The following TMEM179 variants were observed in gnomAD, a reference collection of about 807,000 sequenced individuals.
TMEM179 encodes transmembrane protein 179, also known as transmembrane protein 179A.
In TMEM179, 17 loss-of-function variants were observed where a neutral mutation model predicts 22.2. That is an observed-to-expected ratio of 0.77 (90% CI 0.52 to 1.15). The LOEUF is 1.15. Ranked by LOEUF, TMEM179 falls within the 50% of genes most tolerant of loss-of-function variation. The pLI is 0.00. For synonymous variants in TMEM179, 127 were observed against 140.5 expected (o/e 0.90, Z 0.68); for missense variants, 265 against 313.6 (o/e 0.84, Z 1.17).
At chr14:104,601,942 A>G (rs1408699548) in intron 1 of TMEM179, among the ~76,000 whole-genome samples, 3 of 152,046 alleles carry the variant, frequency 2.0e-5, no homozygotes, top group Admixed American at 2.0e-4. Context: ...TAAATCCCAT[A>G]TGGGCCGGTC....
chr14:104,603,675 G>A lies in TMEM179; in HGVS notation c.305+762C>T, dbSNP rs367575798. On this transcript the variant is annotated intron_variant, in intron 1 of 3. Coordinates refer to ENST00000556573, the MANE Select transcript of TMEM179 (RefSeq NM_001286389.2). ...GAGAGGGTGGGTTCACAGAGGGAGT[G>A]GGTGGGCTCACAGAGGGAGTGGGAG... 1.9e-4 allele frequency among the ~76,000 whole-genome samples: 29 copies of A among 151,214 alleles called. No homozygotes were observed. The East Asian group carries it at 4.7e-3, about 24-fold the overall frequency.
rs1209895520 is a variant in TMEM179, at chr14:104,592,164, CA to C, written c.*1314del. ...CCATCACGCACACAATGCTCACACG[CA>C]CAGGCGTGCACATGCTCACATGCAA... On this transcript the variant is annotated 3_prime_UTR_variant, in exon 4 of 4. Transcript: ENST00000556573. The C allele has an allele frequency of 6.5e-6, 1 of 155,014 alleles. No homozygotes were observed. Among genetic ancestry groups the C allele is most frequent in the Non-Finnish European group, 1.4e-5 (1 of 69,756 alleles). 9.6% of individuals were successfully genotyped at this position (155,014 alleles called of 1,614,324 possible). A position where few individuals can be genotyped will look rare whatever the true frequency, so the allele number is the denominator to read the frequency against.
At chr14:104,600,488 C>T (rs1265454712) in intron 1 of TMEM179, among the ~76,000 whole-genome samples, 8 of 152,252 alleles carry the variant, frequency 5.3e-5, no homozygotes, top group Admixed American at 5.2e-4. Flanking sequence ...CCTCCCTCAG[C>T]ACAGCTGCCC....
intron 2 of TMEM179, among the ~76,000 whole-genome samples, chr14:104,596,497 T>C (rs1887026803): frequency 6.6e-6 from 1 of 152,146 alleles, no homozygotes; most frequent in Non-Finnish European, 1.5e-5. Flanking sequence ...ACCATCCCCG[T>C]CCCTTCCACC....
chr14:104,598,778 A>C (rs2140491770), intron 1 of TMEM179, among the ~76,000 whole-genome samples: 1 of 152,342 alleles, frequency 6.6e-6, no homozygotes, highest in Non-Finnish European at 1.5e-5. Flanking sequence ...TGCTGGGCTG[A>C]CAGCAGAACC....
rs923600303 is a variant in TMEM179, at chr14:104,592,741, C to A, written c.*738G>T. 2.6e-5 allele frequency among the ~76,000 whole-genome samples: 4 copies of A among 152,212 alleles called. No homozygotes were observed. The highest frequency in any genetic ancestry group is 9.7e-5 in the African/African-American group (4 of 41,448). ...TCCCATACTCACCCACACACAGACC[C>A]CTGCCATGGCTCCTGGCCCAGTCCT... On this transcript the variant is annotated 3_prime_UTR_variant, in exon 4 of 4. Transcript: ENST00000556573.
rs1218446720 is a variant in TMEM179 at position 104,604,669 on chromosome 14, C to G, written c.73G>C (p.Val25Leu). The change falls in exon 1 of 4, where the codon GTG (valine) becomes CTG (leucine). Residue 25 changes from valine to leucine, a missense_variant. Physicochemically the swap from Val to Leu is conservative, Grantham distance 32 (BLOSUM62 1). Transcript: ENST00000556573. The surrounding 1 kb of genome is among the most constrained non-coding windows in gnomAD (Gnocchi z 4.6). ...FLAFLFSFVV[V>L]VPLSENGHDF... ...TGGCCGTTCTCGGACAGCGGGACCA[C>G]CACCACGAAGCTGAACAGGAAGGCC... The G allele has an allele frequency of 1.3e-6, 2 of 1,598,244 alleles. No homozygotes were observed. Among genetic ancestry groups the G allele is most frequent in the Admixed American group, 3.4e-5 (2 of 58,962 alleles).
Position 104,591,640 on chromosome 14 carries a change from G to A in TMEM179, c.*1839C>T, listed in dbSNP as rs369528112. 9 of 342,914 alleles carry A rather than the reference G, an allele frequency of 2.6e-5. No homozygotes were observed. The highest frequency in any genetic ancestry group is 1.8e-4 in the African/African-American group (8 of 45,582). The allele number at this position is 342,914 out of a possible 1,614,324, so 21.2% of individuals were successfully genotyped here. On this transcript the variant is annotated 3_prime_UTR_variant, in exon 4 of 4. Transcript: ENST00000556573. ...GGGCACCTGCCAGCCTCACTCCCGGGACCCAGGATGATGCCCCCACCAGGA... is the reference window on the plus strand; with the variant it reads ...GGGCACCTGCCAGCCTCACTCCCGGAACCCAGGATGATGCCCCCACCAGGA...
At chr14:104,594,385 C>T (rs1466920452) in intron 3 of TMEM179, 3 of 1,231,760 alleles carry the variant, frequency 2.4e-6, no homozygotes, top group Non-Finnish European at 2.0e-6. Flanking sequence ...GCCTGGGGTC[C>T]GGAATTGGAC....
chr14:104,591,112 C>G lies in TMEM179; in HGVS notation c.*2367G>C. The G allele has an allele frequency of 3.1e-6, 1 of 322,254 alleles. No homozygotes were observed. The allele number at this position is 322,254 out of a possible 1,614,324, so 20.0% of individuals were successfully genotyped here. A position where few individuals can be genotyped will look rare whatever the true frequency, so the allele number is the denominator to read the frequency against. On this transcript the variant is annotated 3_prime_UTR_variant, in exon 4 of 4. Transcript: ENST00000556573. ...CAGCACACTGCAGGCCCAGCTGCCC[C>G]TTCCCAGGGCGATGTGTCTGGGCTC...
chr14:104,595,388 C>T lies in TMEM179; in HGVS notation c.444-145G>A, dbSNP rs1886986528. 2 of 762,292 alleles carry T rather than the reference C, an allele frequency of 2.6e-6. No individual in the cohort carries two copies. Among genetic ancestry groups the T allele is most frequent in the South Asian group, 3.7e-5 (2 of 54,790 alleles). 47.2% of individuals were successfully genotyped at this position (762,292 alleles called of 1,614,324 possible). ...CAGCAGGGAGTCTCTGGGGACATCA[C>T]GGAGGGTTAGCCTCGATGCCTCCTC... On this transcript the variant is annotated intron_variant, in intron 2 of 3. Coordinates refer to ENST00000556573, the MANE Select transcript of TMEM179 (RefSeq NM_001286389.2). The surrounding 1 kb of genome is among the most constrained non-coding windows in gnomAD (Gnocchi z 5.7).
At chr14:104,594,243 G>T (rs1032264788) in intron 3 of TMEM179, 3 of 1,231,724 alleles carry the variant, frequency 2.4e-6, no homozygotes, top group Non-Finnish European at 2.0e-6. Flanking sequence ...TTGCATGAAG[G>T]TGTCTTTGAC....
chr14:104,594,474 C>G (rs1886951043), intron 3 of TMEM179: 1 of 1,231,708 alleles, frequency 8.1e-7, no homozygotes, highest in Non-Finnish European at 1.0e-6. Flanking sequence ...CACCCCTCAT[C>G]TGCCTCATCT....
At position 104,600,009 on chromosome 14, in the gene TMEM179, A is replaced by G. The variant is rs550794830; in HGVS notation, c.306-2882T>C. 3.4e-4 allele frequency among the ~76,000 whole-genome samples: 52 copies of G among 152,242 alleles called. No homozygotes were observed. The East Asian group carries it at 7.7e-3, about 23-fold the overall frequency. On this transcript the variant is annotated intron_variant, in intron 1 of 3. Coordinates refer to ENST00000556573, the MANE Select transcript of TMEM179 (RefSeq NM_001286389.2). The stretch of plus-strand genomic sequence containing the variant: ...AGCCTCACCCCTATGAAATGGCCCG[A>G]TTTTGGAGTCTTCTCCCATGACCAG...
chr14:104,592,580 G>A lies in TMEM179; in HGVS notation c.*899C>T. On this transcript the variant is annotated 3_prime_UTR_variant, in exon 4 of 4. Transcript: ENST00000556573. ...CTCACATGCAGTCACACCCTCTCGTGCACACTCAGTGACACCTTCACATGC... is the reference window on the plus strand; with the variant it reads ...CTCACATGCAGTCACACCCTCTCGTACACACTCAGTGACACCTTCACATGC... The A allele has an allele frequency of 6.5e-6, 1 of 152,774 alleles. No homozygotes were observed. Among genetic ancestry groups the A allele is most frequent in the South Asian group, 1.9e-4 (1 of 5,282 alleles). The allele number at this position is 152,774 out of a possible 1,614,324, so 9.5% of individuals were successfully genotyped here. A position where few individuals can be genotyped will look rare whatever the true frequency, so the allele number is the denominator to read the frequency against.
chr14:104,600,585 T>C (rs1299036992), intron 1 of TMEM179, among the ~76,000 whole-genome samples: 2 of 118,988 alleles, frequency 1.7e-5, no homozygotes, highest in African/African-American at 3.5e-5. Flanking sequence ...CATTCATCCA[T>C]TCATTCATTC....
chr14:104,598,251 A>T (rs563191876), intron 1 of TMEM179, among the ~76,000 whole-genome samples: 27 of 152,306 alleles, frequency 1.8e-4, no homozygotes, highest in African/African-American at 6.5e-4. Context: ...CTGTCCCTCC[A>T]GTGGGAGCCC....
chr14:104,596,626 C>CTT (rs1887031507), intron 2 of TMEM179, among the ~76,000 whole-genome samples: 3 of 152,306 alleles, frequency 2.0e-5, no homozygotes, highest in African/African-American at 7.2e-5. Flanking sequence ...CCACACCGAG[C>CTT]CTCCCAGGAC....
At position 104,595,343 on chromosome 14, in the gene TMEM179, T is replaced by C. The variant is rs898827983; in HGVS notation, c.444-100A>G. ...GAGAGCCAGGAGCTTTGCCCTACAA[T>C]TGTTGGGCGAGGGGGTGGGCAGCAG... On this transcript the variant is annotated intron_variant, in intron 2 of 3. Coordinates refer to ENST00000556573, the MANE Select transcript of TMEM179 (RefSeq NM_001286389.2). The surrounding 1 kb of genome is among the most constrained non-coding windows in gnomAD (Gnocchi z 5.7). The C allele has an allele frequency of 3.2e-6, 4 of 1,235,856 alleles. No homozygotes were observed. The highest frequency in any genetic ancestry group is 2.1e-5 in the Admixed American group (1 of 47,906). 76.6% of individuals were successfully genotyped at this position (1,235,856 alleles called of 1,614,324 possible).
Sources: gnomAD v4.1 joint callset for allele counts (sites outside exome capture counted in the v4.1 genomes callset) on GRCh38, gnomAD v4.1.1 for gene constraint, Gnocchi (gnomAD v3.1) non-coding constraint, MANE v1.5 for transcripts, NCBI Gene and HGNC (gene_info 2026-07-23, HGNC 2026-07-21) for gene names.